The following DENND5A variants were observed in gnomAD, a reference collection of about 807,000 sequenced individuals.
The protein encoded by DENND5A is DENN domain-containing protein 5A.
DENND5A carries 64 observed loss-of-function variants against 140.3 expected under a neutral mutation model. The ratio of observed to expected loss-of-function variants is 0.46; its 90% confidence interval spans 0.37 to 0.56. DENND5A has a LOEUF of 0.56. DENND5A is among the 20% of genes least tolerant of loss of function. The pLI is 0.00. For missense variants in DENND5A, 1,292 were observed against 1,593.8 expected (o/e 0.81, Z 3.22); for synonymous variants, 605 against 607.7 (o/e 1.00, Z 0.07).
At chr11:9,221,958 A>T (rs570536342) in intron 1 of DENND5A, among the ~76,000 whole-genome samples, 33 of 150,514 alleles carry the variant, frequency 2.2e-4, no homozygotes, top group Non-Finnish European at 3.3e-4. Context: ...GAGGTTTCAC[A>T]GTGTTGGCCA....
At chr11:9,236,605 A>G (rs1415882820) in intron 1 of DENND5A, among the ~76,000 whole-genome samples, 1 of 152,064 alleles carries the variant, frequency 6.6e-6, no homozygotes, top group East Asian at 1.9e-4. Context: ...GACACAAGCT[A>G]GGCATTGGGC....
intron 1 of DENND5A, among the ~76,000 whole-genome samples, chr11:9,257,577 G>T (rs1487470239): frequency 6.9e-6 from 1 of 145,208 alleles, no homozygotes; most frequent in Non-Finnish European, 1.5e-5. Context: ...CGCCTCCCAG[G>T]TTCACGCCAT....
chr11:9,231,715 C>CAAAAAAAAAAAAAAAAAAAAA (rs71062818), intron 1 of DENND5A, among the ~76,000 whole-genome samples: 1 of 78,956 alleles, frequency 1.3e-5, no homozygotes, highest in African/African-American at 4.7e-5. Context: ...AACTCCGTCT[C>CAAAAAAAAAAAAAAAAAAAAA]AAAAAAAAAA....
chr11:9,165,788 T>G, intron 11 of DENND5A, 48 bp downstream of exon 11: 1 of 1,608,532 alleles, frequency 6.2e-7, no homozygotes, highest in Non-Finnish European at 8.5e-7. Flanking sequence ...TGGTCTTACC[T>G]TGGCTGCTAA....
At chr11:9,244,855 T>G (rs571512196) in intron 1 of DENND5A, among the ~76,000 whole-genome samples, 1 of 151,950 alleles carries the variant, frequency 6.6e-6, no homozygotes, top group Non-Finnish European at 1.5e-5. Flanking sequence ...TGTATCTTTA[T>G]TCATAGAGAC....
chr11:9,238,551 G>C (rs886487191), intron 1 of DENND5A, among the ~76,000 whole-genome samples: 3 of 151,722 alleles, frequency 2.0e-5, no homozygotes, highest in African/African-American at 7.3e-5. Context: ...CGAGTAGCTG[G>C]GACCACAGGC....
At chr11:9,200,645 GCTC>G (rs780822441) in intron 4 of DENND5A, among the ~76,000 whole-genome samples, 10 of 152,180 alleles carry the variant, frequency 6.6e-5, no homozygotes, top group Non-Finnish European at 1.0e-4. Flanking sequence ...TGAGGTATGT[GCTC>G]TTCAGTTCAA....
At chr11:9,147,217 G>T (rs909803363) in intron 15 of DENND5A, 66 bp from the exon 16 acceptor site, 17 of 1,556,946 alleles carry the variant, frequency 1.1e-5, no homozygotes, top group Admixed American at 7.0e-5. Context: ...AGAATTTTCA[G>T]TTCTGGAAGG....
rs765670637 is a variant in DENND5A, at chr11:9,165,951, G to C, written c.2168C>G (p.Ala723Gly). The change falls in exon 11 of 23, where the codon GCC (alanine) becomes GGC (glycine). Residue 723 changes from alanine (A) to glycine (G), a missense_variant. Transcript: ENST00000328194. Reference protein sequence around the residue: ...NDQREKYIQEARTMGSTIRQP... With the variant: ...NDQREKYIQEGRTMGSTIRQP... Reference sequence around the variant, plus strand: ...GCGGATAGTGCTGCCCATAGTCCTGGCTTCCTGGATGTACTTCTATATCAA... The same window carrying C: ...GCGGATAGTGCTGCCCATAGTCCTGCCTTCCTGGATGTACTTCTATATCAA... The C allele has an allele frequency of 1.2e-6, 2 of 1,614,128 alleles. No homozygotes were observed. Among genetic ancestry groups the C allele is most frequent in the South Asian group, 2.2e-5 (2 of 91,080 alleles).
chr11:9,177,779 T>C (rs1273201429), intron 8 of DENND5A, among the ~76,000 whole-genome samples: 2 of 150,942 alleles, frequency 1.3e-5, no homozygotes, highest in Non-Finnish European at 2.9e-5. Context: ...AAGGATTCAC[T>C]GAATAAAAAG....
chr11:9,201,420 T>A (rs980344135), intron 4 of DENND5A, among the ~76,000 whole-genome samples: 1 of 151,214 alleles, frequency 6.6e-6, no homozygotes, highest in African/African-American at 2.4e-5. Flanking sequence ...GTGGCGCCTG[T>A]AATCCCAGCA....
intron 8 of DENND5A, among the ~76,000 whole-genome samples, chr11:9,173,693 G>A (rs1021162890): frequency 1.3e-5 from 2 of 152,138 alleles, no homozygotes; most frequent in Non-Finnish European, 2.9e-5. Flanking sequence ...AAGTGATATT[G>A]TATCACCTAA....
At chr11:9,223,376 C>T (rs1013654669) in intron 1 of DENND5A, among the ~76,000 whole-genome samples, 1 of 151,818 alleles carries the variant, frequency 6.6e-6, no homozygotes, top group African/African-American at 2.4e-5. Context: ...CCCATCTCTA[C>T]TAAAAATACA....
Position 9,178,974 on chromosome 11 carries a change from C to A in DENND5A, c.1555G>T (p.Val519Phe). 6.2e-7 allele frequency: 1 copy of A among 1,614,144 alleles called. No individual in the cohort carries two copies. The highest frequency in any genetic ancestry group is 8.5e-7 in the Non-Finnish European group (1 of 1,180,008). The change falls in exon 7 of 23, where the codon GTT becomes TTT. Residue 519 changes from valine (V) to phenylalanine (F), a missense_variant. Around this residue, in one of 4 missense-constraint regions of DENND5A, gnomAD observed 566 missense variants for 650.4 expected, o/e 0.87. Coordinates refer to ENST00000328194, the MANE Select transcript of DENND5A (RefSeq NM_015213.4). ...ATCTGAGTGAAACGATTTGCAAAAACTTCCCGGATCTGAATGTTTAGCTGG... is the reference window on the plus strand; with the variant it reads ...ATCTGAGTGAAACGATTTGCAAAAAATTCCCGGATCTGAATGTTTAGCTGG... ...IYQLNIQIRE[V>F]FANRFTQMFA...
intron 1 of DENND5A, among the ~76,000 whole-genome samples, chr11:9,237,487 T>A (rs1206668569): frequency 3.3e-5 from 5 of 152,210 alleles, no homozygotes; most frequent in Non-Finnish European, 7.3e-5. Flanking sequence ...AACACTTTAT[T>A]ACAGGTATAA....
intron 1 of DENND5A, among the ~76,000 whole-genome samples, chr11:9,235,568 G>C (rs761438953): frequency 1.1e-4 from 17 of 151,622 alleles, no homozygotes; most frequent in Non-Finnish European, 2.4e-4. Flanking sequence ...TAAGATAGGA[G>C]AATTGTTTGA....
At chr11:9,154,798 T>C (rs1302919609) in intron 12 of DENND5A, among the ~76,000 whole-genome samples, 1 of 151,920 alleles carries the variant, frequency 6.6e-6, no homozygotes, top group Non-Finnish European at 1.5e-5. Flanking sequence ...AGAAGGTCTA[T>C]TGTTTCCTGT....
intron 1 of DENND5A, among the ~76,000 whole-genome samples, chr11:9,237,457 A>G (rs2136265911): frequency 6.6e-6 from 1 of 152,322 alleles, no homozygotes; most frequent in East Asian, 1.9e-4. Context: ...AGCAGATTGG[A>G]AACGTTTCAG....
At chr11:9,237,862 G>T (rs1851068459) in intron 1 of DENND5A, among the ~76,000 whole-genome samples, 1 of 152,160 alleles carries the variant, frequency 6.6e-6, no homozygotes, top group Non-Finnish European at 1.5e-5. Context: ...CAGCCTGGGC[G>T]ACAGAGCGAG....
Sources: allele counts gnomAD v4.1 joint callset (sites outside exome capture counted in the v4.1 genomes callset), GRCh38; gene constraint gnomAD v4.1.1; regional missense constraint gnomAD v4.1.1; transcripts MANE v1.5; gene names NCBI Gene and HGNC (gene_info 2026-07-23, HGNC 2026-07-21).